Variants in SEL1L2 observed in about 807,000 individuals in gnomAD.
The protein encoded by SEL1L2 is SEL1L2 adaptor subunit of SYVN1 ubiquitin ligase.
SEL1L2 carries 89 observed loss-of-function variants against 98.8 expected under a neutral mutation model. The ratio of observed to expected loss-of-function variants is 0.90; its 90% CI spans 0.76 to 1.07. The LOEUF (loss-of-function observed/expected upper bound fraction) is 1.07. Ranked by LOEUF, SEL1L2 falls within the 50% of genes least tolerant of loss-of-function variation. The pLI, the probability that SEL1L2 is intolerant of heterozygous loss-of-function variation, is 0.00. For missense variants in SEL1L2, 788 were observed against 812.0 expected (o/e 0.97, Z 0.36); for synonymous variants, 262 against 278.5 (o/e 0.94, Z 0.59).
intron 14 of SEL1L2, among the ~76,000 whole-genome samples, chr20:13,867,838 G>A (rs1383212641): frequency 6.6e-6 from 1 of 152,060 alleles, no homozygotes; most frequent in African/African-American, 2.4e-5. Context: ...GAAGAACAAG[G>A]CCATCTTAGG....
chr20:13,878,768 A>T (rs1257042365), intron 10 of SEL1L2, among the ~76,000 whole-genome samples: 1 of 152,174 alleles, frequency 6.6e-6, no homozygotes, highest in East Asian at 1.9e-4. Context: ...TGCTATATAT[A>T]GGATAGTATG....
intron 1 of SEL1L2, among the ~76,000 whole-genome samples, chr20:13,971,331 CAAG>C (rs369085919): frequency 2.1e-4 from 32 of 152,212 alleles, no homozygotes; most frequent in Middle Eastern, 3.4e-3. Flanking sequence ...GTGTTTTGTT[CAAG>C]AAGGTTTTCT....
Position 13,988,425 on chromosome 20 carries a change from T to C in SEL1L2, c.58+2052A>G, listed in dbSNP as rs145804788. 2.8e-3 allele frequency among the ~76,000 whole-genome samples: 420 copies of C among 152,280 alleles called. 4 individuals are homozygous for C. The highest frequency in any genetic ancestry group is 9.8e-3 in the African/African-American group (409 of 41,568). ...CCAGCACCATTTGTTGGAGAGATTA[T>C]CTCCTCCTGCACCTCCCACACTGAG... On this transcript the variant is annotated intron_variant, in intron 1 of 19. Coordinates refer to ENST00000284951, the MANE Select transcript of SEL1L2 (RefSeq NM_025229.2).
chr20:13,977,762 G>C (rs893335487), intron 1 of SEL1L2, among the ~76,000 whole-genome samples: 5 of 151,972 alleles, frequency 3.3e-5, no homozygotes, highest in African/African-American at 1.2e-4. Flanking sequence ...CTACCCTACT[G>C]AATAGATCCA....
intron 6 of SEL1L2, 129 bp downstream of exon 6, chr20:13,888,329 CT>C: frequency 1.5e-6 from 1 of 688,658 alleles, no homozygotes; most frequent in South Asian, 1.7e-5. Context: ...CACTAAATTT[CT>C]TTGACTATTA....
At position 13,908,908 on chromosome 20, in the gene SEL1L2, C is replaced by T. The variant is rs981236118; in HGVS notation, c.549+4874G>A. ...TCCCTTTGTACATACCCAGAAATTG[C>T]ATTTCTTCCCTTCTATCTCCTCAAT... On this transcript the variant is annotated intron_variant, in intron 5 of 19. Transcript: ENST00000284951. 1.7e-4 allele frequency among the ~76,000 whole-genome samples: 26 copies of T among 152,090 alleles called. 1 individual carries two copies.
chr20:13,942,138 T>C (rs2049810460), intron 2 of SEL1L2, among the ~76,000 whole-genome samples: 1 of 152,156 alleles, frequency 6.6e-6, no homozygotes, highest in South Asian at 2.1e-4. Context: ...TCACCAGTGG[T>C]CTTTGTTTAG....
chr20:13,972,027 G>A (rs2051306804), intron 1 of SEL1L2, among the ~76,000 whole-genome samples: 1 of 151,974 alleles, frequency 6.6e-6, no homozygotes, highest in South Asian at 2.1e-4. Context: ...CTATCTGGTT[G>A]AGCAGGAACT....
At chr20:13,957,714 C>T (rs1464666291) in intron 1 of SEL1L2, among the ~76,000 whole-genome samples, 1 of 151,944 alleles carries the variant, frequency 6.6e-6, no homozygotes, top group Admixed American at 6.6e-5. Flanking sequence ...CCTGTCTCTA[C>T]AAAAAATGCA....
chr20:13,905,467 T>C (rs1346844468), intron 5 of SEL1L2, among the ~76,000 whole-genome samples: 4 of 151,836 alleles, frequency 2.6e-5, no homozygotes, highest in Non-Finnish European at 4.4e-5. Context: ...CCAACCACCA[T>C]GCCCGGCTAA....
intron 5 of SEL1L2, among the ~76,000 whole-genome samples, chr20:13,889,643 T>C (rs1433398414): frequency 6.6e-6 from 1 of 151,860 alleles, no homozygotes; most frequent in African/African-American, 2.4e-5. Context: ...TACAAAAAAT[T>C]AGCTGGGCGT....
At chr20:13,993,270 G>A (rs186159868), upstream of SEL1L2, among the ~76,000 whole-genome samples, 12 of 152,278 alleles carry the variant, frequency 7.9e-5, no homozygotes, top group East Asian at 2.3e-3. Context: ...TATAGCAACC[G>A]ATTTGATATG....
At chr20:13,910,670 G>A (rs1236191730) in intron 5 of SEL1L2, among the ~76,000 whole-genome samples, 3 of 152,098 alleles carry the variant, frequency 2.0e-5, no homozygotes, top group Non-Finnish European at 4.4e-5. Context: ...TATTCCTTCC[G>A]GCACTGGGTT....
intron 1 of SEL1L2, among the ~76,000 whole-genome samples, chr20:13,963,065 C>CAAAA (rs11472589): frequency 1.4e-5 from 2 of 140,648 alleles, no homozygotes; most frequent in African/African-American, 5.4e-5. Context: ...GACTCCATCT[C>CAAAA]AAAAAAAAAA....
intron 2 of SEL1L2, among the ~76,000 whole-genome samples, chr20:13,947,433 C>T (rs1029452599): frequency 1.1e-4 from 16 of 152,142 alleles, no homozygotes; most frequent in Non-Finnish European, 2.2e-4. Context: ...CACCTGCCTG[C>T]GGAAAGGAGC....
At chr20:13,923,214 T>G (rs1243254296) in intron 3 of SEL1L2, among the ~76,000 whole-genome samples, 1 of 152,250 alleles carries the variant, frequency 6.6e-6, no homozygotes, top group East Asian at 1.9e-4. Flanking sequence ...TCCACAATTT[T>G]TATGTAGCAT....
At chr20:13,930,226 G>T (rs2049083667) in intron 3 of SEL1L2, among the ~76,000 whole-genome samples, 1 of 152,234 alleles carries the variant, frequency 6.6e-6, no homozygotes, top group Non-Finnish European at 1.5e-5. Context: ...ATCACTAGCA[G>T]GAGGTATGAA....
At chr20:13,884,251 T>G (rs538751510) in intron 10 of SEL1L2, among the ~76,000 whole-genome samples, 1 of 152,266 alleles carries the variant, frequency 6.6e-6, no homozygotes, top group South Asian at 2.1e-4. Context: ...AGGCTACATG[T>G]TCCTTTGAGA....
Position 13,866,836 on chromosome 20 carries a change from A to G in SEL1L2, c.1270T>C (p.Trp424Arg), listed in dbSNP as rs1290316093. 1 of 1,609,178 alleles carries G rather than the reference A, an allele frequency of 6.2e-7. No individual in the cohort carries two copies. Among genetic ancestry groups the G allele is most frequent in the African/African-American group, 1.3e-5 (1 of 74,722 alleles). Residue 424 changes from tryptophan (W) to arginine (R), a missense_variant, in exon 15 of 20, where the codon TGG becomes CGG. By Grantham distance (101) the Trp-to-Arg change is moderately radical. Transcript: ENST00000284951. Reference sequence around the variant, plus strand: ...TTGAAGGCAAGTTTATAATCCTTCCATATTCCAGAGCCAGCTGAAAATTAA... The same window carrying G: ...TTGAAGGCAAGTTTATAATCCTTCCGTATTCCAGAGCCAGCTGAAAATTAA... ...GFMYYSGSGI[W>R]KDYKLAFKYF...
Sources: allele counts gnomAD v4.1 joint callset (sites outside exome capture counted in the v4.1 genomes callset), GRCh38; gene constraint gnomAD v4.1.1; transcripts MANE v1.5; gene names NCBI Gene and HGNC (gene_info 2026-07-23, HGNC 2026-07-21).